The following ABCA1 variants were observed in gnomAD, a reference collection of about 807,000 sequenced individuals.
ABCA1 encodes phospholipid-transporting ATPase ABCA1.
Under a neutral mutation model 262.5 loss-of-function variants are expected in ABCA1, and 133 were observed. The ratio of observed to expected loss-of-function variants is 0.51; its 90% CI spans 0.44 to 0.59. ABCA1 has a LOEUF of 0.59. Among genes scored for constraint, ABCA1 ranks in the 20% least tolerant of loss-of-function variants. The pLI is 0.00. For synonymous variants in ABCA1, 1,022 were observed against 1,043.5 expected, an observed-to-expected ratio of 0.98 and a Z score of 0.40; for missense variants, 2,452 against 2,777.5, an observed-to-expected ratio of 0.88 and a Z score of 2.63.
intron 46 of ABCA1, 181 bp downstream of exon 46, chr9:104,787,739 T>C (rs1829052084): frequency 1.3e-6 from 1 of 746,278 alleles, no homozygotes; most frequent in Non-Finnish European, 1.6e-6. Flanking sequence ...TCTGCAGGCA[T>C]GGTACAGCCA....
intron 1 of ABCA1, 95 bp downstream of exon 1, chr9:104,927,840 C>T (rs1826476186): frequency 6.6e-6 from 1 of 152,562 alleles, no homozygotes; most frequent in African/African-American, 2.4e-5. Flanking sequence ...TGTGGGGCTC[C>T]GGATCAAAGT....
intron 37 of ABCA1, among the ~76,000 whole-genome samples, chr9:104,797,760 A>C (rs1374461423): frequency 6.6e-6 from 1 of 152,218 alleles, no homozygotes; most frequent in Non-Finnish European, 1.5e-5. Flanking sequence ...GGTAATACTC[A>C]GGTTAAATGA....
intron 31 of ABCA1, among the ~76,000 whole-genome samples, chr9:104,805,126 G>A (rs553661251): frequency 6.6e-6 from 1 of 152,268 alleles, no homozygotes; most frequent in Admixed American, 6.5e-5. Flanking sequence ...TCAGGCTGGA[G>A]TACAGTGGCG....
intron 5 of ABCA1, 65 bp from the exon 6 acceptor site, chr9:104,861,865 C>T (rs1827517815): frequency 1.4e-6 from 2 of 1,390,308 alleles, no homozygotes; most frequent in South Asian, 1.2e-5. Flanking sequence ...AAAGTGGGCA[C>T]AATGGGACAG....
chr9:104,792,907 C>T lies in ABCA1; in HGVS notation c.5637-1G>A. On this transcript the variant is annotated splice_acceptor_variant, in intron 41 of 49. Coordinates refer to ENST00000374736, the MANE Select transcript of ABCA1 (RefSeq NM_005502.4). LOFTEE classifies it high-confidence loss of function. ...AGGAGATAGCTTTGCATTTACAGGT[C>T]TTGGGGGAAAAAACAAGAAAAATGA... The T allele has an allele frequency of 6.2e-7, 1 of 1,613,954 alleles. No homozygotes were observed. The highest frequency in any genetic ancestry group is 8.5e-7 in the Non-Finnish European group (1 of 1,179,978).
chr9:104,886,952 G>T (rs1327976081), intron 3 of ABCA1, among the ~76,000 whole-genome samples: 3 of 152,168 alleles, frequency 2.0e-5, no homozygotes, highest in South Asian at 2.1e-4. Context: ...GTCCCTGGAG[G>T]GTGATGAGAA....
chr9:104,906,492 A>G (rs1357995957), intron 1 of ABCA1, among the ~76,000 whole-genome samples: 2 of 152,162 alleles, frequency 1.3e-5, no homozygotes, highest in Non-Finnish European at 2.9e-5. Context: ...GCATAGAGCC[A>G]CAGTAGAAAG....
At chr9:104,845,426 T>C (rs373999302) in intron 8 of ABCA1, 51 bp downstream of exon 8, 35 of 1,327,622 alleles carry the variant, frequency 2.6e-5, no homozygotes, top group Non-Finnish European at 3.6e-5. Flanking sequence ...GGAATGAAAA[T>C]ACTGATACAG....
chr9:104,838,358 C>A (rs930521830), intron 9 of ABCA1, among the ~76,000 whole-genome samples: 2 of 151,204 alleles, frequency 1.3e-5, no homozygotes, highest in Non-Finnish European at 2.9e-5. Flanking sequence ...GCCTGTAATC[C>A]CAGCACTTTG....
chr9:104,856,427 G>A (rs964731672), intron 7 of ABCA1, among the ~76,000 whole-genome samples: 7 of 152,086 alleles, frequency 4.6e-5, no homozygotes, highest in Admixed American at 6.6e-5. Context: ...ATCAATACCT[G>A]GTCATAAACC....
chr9:104,880,425 A>G (rs763606156), intron 5 of ABCA1, among the ~76,000 whole-genome samples: 1 of 151,738 alleles, frequency 6.6e-6, no homozygotes, highest in South Asian at 2.1e-4. Flanking sequence ...ACTTGAGCCC[A>G]GGAATTCGAG....
chr9:104,863,458 G>A (rs1836811201), intron 5 of ABCA1, among the ~76,000 whole-genome samples: 1 of 152,190 alleles, frequency 6.6e-6, no homozygotes, highest in South Asian at 2.1e-4. Context: ...TACCAGAAGA[G>A]AAACAGGTTT....
intron 32 of ABCA1, among the ~76,000 whole-genome samples, chr9:104,804,341 G>A (rs1008753107): frequency 6.6e-6 from 1 of 152,172 alleles, no homozygotes; most frequent in Non-Finnish European, 1.5e-5. Context: ...GCTTTAAAAG[G>A]ATAACCAGTT....
At position 104,825,903 on chromosome 9, in the gene ABCA1, A is replaced by G; in HGVS notation, c.2338-16T>C. The G allele has an allele frequency of 6.2e-7, 1 of 1,612,904 alleles. No individual in the cohort carries two copies. Among genetic ancestry groups the G allele is most frequent in the South Asian group, 1.1e-5 (1 of 91,022 alleles). The stretch of plus-strand genomic sequence containing the variant: ...ACAGCAGGCTCTGTGAGAAACAGGC[A>G]AAGTCACCTATCCATTTCCTGGTCA... On this transcript the variant is annotated splice_polypyrimidine_tract_variant and intron_variant, in intron 16 of 49. Transcript: ENST00000374736.
At chr9:104,787,894 A>C (rs1313812056) in intron 46 of ABCA1, 26 bp downstream of exon 46, 4 of 1,613,842 alleles carry the variant, frequency 2.5e-6, no homozygotes, top group Non-Finnish European at 3.4e-6. Flanking sequence ...CCAGAACAAC[A>C]GTTTTCCATC....
At position 104,800,490 on chromosome 9, in the gene ABCA1, G is replaced by T; in HGVS notation, c.4773+20C>A. ...ATTATTGTTCATCAAAAAGCTACTA[G>T]AACAAAGACAGCGGTTTACCTTGAC... On this transcript the variant is annotated intron_variant, in intron 35 of 49. Transcript: ENST00000374736. 6.2e-7 allele frequency: 1 copy of T among 1,606,754 alleles called. No individual in the cohort carries two copies. Among genetic ancestry groups the T allele is most frequent in the South Asian group, 1.1e-5 (1 of 90,934 alleles).
chr9:104,802,061 A>G lies in ABCA1; in HGVS notation c.4691T>C (p.Leu1564Pro), dbSNP rs779422267. The G allele has an allele frequency of 6.2e-7, 1 of 1,614,106 alleles. No homozygotes were observed. Among genetic ancestry groups the G allele is most frequent in the Admixed American group, 1.7e-5 (1 of 60,018 alleles). ...TTACGATAGATATTTTACCTTGGCC[A>G]GCTTTAGGTGTTTCTTCATTTGTTT... is the stretch of plus-strand genomic sequence containing the variant. ...AIKQMKKHLK[L>P]AKDSSADRFL... Residue 1564 changes from leucine (L) to proline (P), a missense_variant, in exon 34 of 50, where the codon CTG becomes CCG. Leu to Pro is a moderately conservative substitution (Grantham distance 98). Transcript: ENST00000374736.
rs60326642 is a variant in ABCA1, at chr9:104,850,608, T to C, written c.721-5039A>G. Among the ~76,000 whole-genome samples, 3 of 152,254 alleles carry C rather than the reference T, an allele frequency of 2.0e-5. No homozygotes were observed. The South Asian group carries it at 6.2e-4, about 32-fold the overall frequency. On this transcript the variant is annotated intron_variant, in intron 7 of 49. Coordinates refer to ENST00000374736, the MANE Select transcript of ABCA1 (RefSeq NM_005502.4). ...AGACAGATAACTTCCTTGAATAAAATTAACCCCAGGAAAGAATTCATGCCT... is the reference window on the plus strand; with the variant it reads ...AGACAGATAACTTCCTTGAATAAAACTAACCCCAGGAAAGAATTCATGCCT...
At position 104,818,830 on chromosome 9, in the gene ABCA1, C is replaced by T. The variant is rs28933692; in HGVS notation, c.3295G>A (p.Asp1099Asn). ...CCATGGGAGATGATGGCAATCCTGT[C>T]CCCCAGGACGTCCGCTTCATCCATG... ...HHMDEADVLG[D>N]RIAIISHGKL... Residue 1099 changes from aspartate (D) to asparagine (N), a missense_variant, in exon 23 of 50, where the codon GAC becomes AAC. Around this residue, in one of 4 missense-constraint regions of ABCA1, gnomAD observed 665 missense variants for 727.3 expected, o/e 0.91. Coordinates refer to ENST00000374736, the MANE Select transcript of ABCA1 (RefSeq NM_005502.4). 5 of 1,613,922 alleles carry T rather than the reference C, an allele frequency of 3.1e-6. No homozygotes were observed. In the South Asian group the frequency reaches 3.3e-5, roughly 11 times the overall value.
Sources: allele counts gnomAD v4.1 joint callset (sites outside exome capture counted in the v4.1 genomes callset), GRCh38; gene constraint gnomAD v4.1.1; regional missense constraint gnomAD v4.1.1; transcripts MANE v1.5; gene names NCBI Gene and HGNC (gene_info 2026-07-23, HGNC 2026-07-21).